TAFA2: variants seen among roughly 807,000 people sequenced by gnomAD.
The protein encoded by TAFA2 is chemokine-like protein TAFA-2.
In TAFA2, 7 loss-of-function variants were observed where a neutral mutation model predicts 18.8. The observed-to-expected ratio is 0.37, with a 90% CI of 0.21 to 0.70. The LOEUF is 0.70. Among genes scored for constraint, TAFA2 ranks in the 30% least tolerant of loss-of-function variants. The probability of loss-of-function intolerance (pLI) is 0.53; values close to 1 mark genes in which losing one functional copy is unlikely to be tolerated. For missense variants in TAFA2, 122 were observed against 158.1 expected, an observed-to-expected ratio of 0.77 and a Z score of 1.23; for synonymous variants, 60 against 54.2, an observed-to-expected ratio of 1.11 and a Z score of -0.47.
At chr12:62,195,498 T>C (rs967256644), upstream of TAFA2, among the ~76,000 whole-genome samples, 3 of 152,168 alleles carry the variant, frequency 2.0e-5, no homozygotes, top group Admixed American at 6.5e-5. Flanking sequence ...TAAGAAGACT[T>C]GAAAGGCAAA....
chr12:61,742,389 G>A (rs945075298), intron 4 of TAFA2, among the ~76,000 whole-genome samples: 12 of 152,068 alleles, frequency 7.9e-5, no homozygotes, highest in African/African-American at 2.9e-4. Context: ...CATTCAGAAA[G>A]AGACATAAAG....
rs1022179273 is a variant in TAFA2 at position 61,709,086 on chromosome 12, A to G, written c.*1320T>C. 2 of 152,546 alleles carry G rather than the reference A, an allele frequency of 1.3e-5. No homozygotes were observed. The highest frequency in any genetic ancestry group is 1.9e-4 in the East Asian group (1 of 5,190). 9.4% of individuals were successfully genotyped at this position (152,546 alleles called of 1,614,324 possible). A position where few individuals can be genotyped will look rare whatever the true frequency, so the allele number is the denominator to read the frequency against. ...TACACAATATTGTTACAGAATGGCT[A>G]TGCACTTTTCTTTCTTCTCTCCCTT... On this transcript the variant is annotated 3_prime_UTR_variant, in exon 5 of 5. Coordinates refer to ENST00000416284, the MANE Select transcript of TAFA2 (RefSeq NM_178539.5).
At chr12:62,091,057 T>C (rs1473931736) in intron 1 of TAFA2, among the ~76,000 whole-genome samples, 1 of 152,032 alleles carries the variant, frequency 6.6e-6, no homozygotes, top group African/African-American at 2.4e-5. Flanking sequence ...CAGGTATTTG[T>C]TGAGTGCTTC....
intron 1 of TAFA2, among the ~76,000 whole-genome samples, chr12:62,040,614 T>A (rs147735368): frequency 6.6e-6 from 1 of 152,218 alleles, no homozygotes; most frequent in African/African-American, 2.4e-5. Context: ...GGGGAGAACA[T>A]GGCTGTGCAA....
chr12:61,839,807 C>T (rs1873096100), intron 2 of TAFA2, among the ~76,000 whole-genome samples: 2 of 152,024 alleles, frequency 1.3e-5, no homozygotes, highest in South Asian at 4.2e-4. Flanking sequence ...CATTAGAAGT[C>T]CAAACGCAAT....
intron 1 of TAFA2, among the ~76,000 whole-genome samples, chr12:62,236,865 T>C (rs1416425505): frequency 1.3e-5 from 2 of 152,226 alleles, no homozygotes; most frequent in Non-Finnish European, 2.9e-5. Context: ...TTTTTCTCAC[T>C]ACTTTTAGAA....
At chr12:62,141,937 C>G (rs1457830546) in intron 1 of TAFA2, among the ~76,000 whole-genome samples, 1 of 152,186 alleles carries the variant, frequency 6.6e-6, no homozygotes, top group Non-Finnish European at 1.5e-5. Flanking sequence ...TGCATTGAAA[C>G]TGTCCCTAAC....
chr12:62,230,944 G>A (rs370911504), intron 1 of TAFA2, among the ~76,000 whole-genome samples: 1 of 152,124 alleles, frequency 6.6e-6, no homozygotes, highest in East Asian at 1.9e-4. Context: ...CCAAAGTGCT[G>A]GGATTATAGG....
At chr12:61,907,573 G>T (rs1252818485) in intron 1 of TAFA2, among the ~76,000 whole-genome samples, 2 of 152,218 alleles carry the variant, frequency 1.3e-5, no homozygotes, top group African/African-American at 4.8e-5. Flanking sequence ...AGCTAAAGCA[G>T]TGTAGAAGAG....
chr12:62,218,252 C>T (rs1253802308), intron 1 of TAFA2, among the ~76,000 whole-genome samples: 1 of 152,096 alleles, frequency 6.6e-6, no homozygotes, highest in Admixed American at 6.6e-5. Context: ...CCCGCTCAGC[C>T]TCCCAAAGTG....
At chr12:62,103,465 G>C (rs540675549) in intron 1 of TAFA2, among the ~76,000 whole-genome samples, 2 of 152,174 alleles carry the variant, frequency 1.3e-5, no homozygotes, top group South Asian at 4.2e-4. Context: ...TTCCGGCCAG[G>C]CATGGTGGCT....
chr12:62,046,230 T>C (rs1881904804), intron 1 of TAFA2, among the ~76,000 whole-genome samples: 1 of 152,152 alleles, frequency 6.6e-6, no homozygotes, highest in Non-Finnish European at 1.5e-5. Context: ...TTGGTGTGTA[T>C]CAGAGCTAGA....
At chr12:62,015,058 C>T (rs1226279023) in intron 1 of TAFA2, among the ~76,000 whole-genome samples, 1 of 152,150 alleles carries the variant, frequency 6.6e-6, no homozygotes, top group Non-Finnish European at 1.5e-5. Flanking sequence ...CCTTCTTCTC[C>T]CCTATATGAG....
At chr12:62,057,010 G>A (rs1321008952) in intron 1 of TAFA2, among the ~76,000 whole-genome samples, 4 of 152,142 alleles carry the variant, frequency 2.6e-5, no homozygotes, top group African/African-American at 7.2e-5. Flanking sequence ...AAGAGTGTAC[G>A]TACCTCCATT....
chr12:61,908,278 T>C (rs1388558642), intron 1 of TAFA2, among the ~76,000 whole-genome samples: 1 of 152,122 alleles, frequency 6.6e-6, no homozygotes, highest in Non-Finnish European at 1.5e-5. Flanking sequence ...GGTAATCAAA[T>C]GATGGGGGCA....
intron 2 of TAFA2, among the ~76,000 whole-genome samples, chr12:61,831,140 A>T (rs1413326901): frequency 3.9e-5 from 6 of 152,060 alleles, no homozygotes; most frequent in South Asian, 4.1e-4. Context: ...TCTACTTTGC[A>T]GCAGTGTAAG....
At chr12:61,941,583 C>T (rs541896662) in intron 1 of TAFA2, among the ~76,000 whole-genome samples, 180 of 152,284 alleles carry the variant, frequency 1.2e-3, no homozygotes, top group Admixed American at 1.9e-3. Context: ...TGGGCGCAGG[C>T]CAGTGGGTGC....
chr12:61,842,369 G>GT (rs1332218233), intron 2 of TAFA2, among the ~76,000 whole-genome samples: 30 of 151,694 alleles, frequency 2.0e-4, no homozygotes, highest in Non-Finnish European at 3.5e-4. Context: ...AGATCAGCAT[G>GT]TTTTTTTATT....
intron 1 of TAFA2, chr12:62,235,565 C>T (rs568260760): frequency 5.7e-6 from 2 of 349,430 alleles, no homozygotes; most frequent in African/African-American, 4.3e-5. Flanking sequence ...GGGAGCAACC[C>T]ACCACGGCAT....
Sources: allele counts gnomAD v4.1 joint callset (sites outside exome capture counted in the v4.1 genomes callset), GRCh38; gene constraint gnomAD v4.1.1; transcripts MANE v1.5; gene names NCBI Gene and HGNC (gene_info 2026-07-23, HGNC 2026-07-21).